MATN2: variants seen among roughly 807,000 people sequenced by gnomAD.
MATN2 encodes matrilin 2.
Under a neutral mutation model 103.2 loss-of-function variants are expected in MATN2, and 69 were observed. The observed-to-expected ratio is 0.67, with a 90% CI of 0.55 to 0.82. The LOEUF (loss-of-function observed/expected upper bound fraction) is 0.82. MATN2 is among the 40% of genes least tolerant of loss of function. The pLI is 0.00. For synonymous variants in MATN2, 429 were observed against 450.2 expected (o/e 0.95, Z 0.60); for missense variants, 1,023 against 1,211.5 (o/e 0.84, Z 2.31).
rs60996482 is a variant in MATN2 at position 97,931,661 on chromosome 8, C to T, written c.712+139C>T. 2.3e-3 allele frequency: 1,778 copies of T among 777,606 alleles called. 26 individuals carry two copies. The African/African-American group carries it at 0.028, about 12-fold the overall frequency. 48.2% of individuals were successfully genotyped at this position (777,606 alleles called of 1,614,324 possible). A position where few individuals can be genotyped will look rare whatever the true frequency, so the allele number is the denominator to read the frequency against. The stretch of plus-strand genomic sequence containing the variant: ...TCAACAAAGGCCAAGATAAACACAA[C>T]GTGCTCCAGGGGCTTACACTTTGGC... On this transcript the variant is annotated intron_variant, in intron 3 of 18. Transcript: ENST00000254898. This position sits in a 1 kb window ranked among gnomAD's most constrained non-coding sequence, Gnocchi z 4.1.
intron 2 of MATN2, among the ~76,000 whole-genome samples, chr8:97,900,379 C>A (rs1818938687): frequency 6.6e-6 from 1 of 152,188 alleles, no homozygotes; most frequent in Admixed American, 6.5e-5. Context: ...AAGTTCAGAG[C>A]CCGGAGGGGC....
At position 98,018,136 on chromosome 8, in the gene MATN2, A is replaced by G; in HGVS notation, c.1819+20A>G. 2 of 1,613,082 alleles carry G rather than the reference A, an allele frequency of 1.2e-6. No homozygotes were observed. Among genetic ancestry groups the G allele is most frequent in the Non-Finnish European group, 1.7e-6 (2 of 1,179,328 alleles). On this transcript the variant is annotated intron_variant, in intron 12 of 18. Transcript: ENST00000254898. The stretch of plus-strand genomic sequence containing the variant: ...GCCGAAGTAAGTAGCCTCGAGGTGG[A>G]GAAGAACTTTTCCCTCTGTGGACTC...
chr8:97,958,640 C>A (rs1006512906), intron 4 of MATN2, among the ~76,000 whole-genome samples: 1 of 152,190 alleles, frequency 6.6e-6, no homozygotes, highest in African/African-American at 2.4e-5. Context: ...AACTCAGAAA[C>A]CTACTGCTGT....
intron 7 of MATN2, 97 bp downstream of exon 7, chr8:97,994,699 A>G (rs1300618522): frequency 7.5e-7 from 1 of 1,336,938 alleles, no homozygotes; most frequent in Admixed American, 2.3e-5. Flanking sequence ...ATGTGCTTGT[A>G]TTCAGCATTG....
chr8:98,006,179 T>G (rs1812962096), intron 8 of MATN2, among the ~76,000 whole-genome samples: 1 of 152,266 alleles, frequency 6.6e-6, no homozygotes, highest in South Asian at 2.1e-4. Flanking sequence ...GATGCCAGGA[T>G]AGGCCACACA....
chr8:97,941,634 G>A, intron 3 of MATN2, 143 bp from the exon 4 acceptor site: 3 of 812,934 alleles, frequency 3.7e-6, no homozygotes, highest in Non-Finnish European at 5.8e-6. Context: ...TGGACTGTGA[G>A]CCCCCTTGAG....
At chr8:98,025,289 C>T (rs1813748917) in intron 13 of MATN2, 1 of 155,354 alleles carries the variant, frequency 6.4e-6, no homozygotes, top group Non-Finnish European at 1.4e-5. Context: ...CACACACACA[C>T]ACCACACACA....
intron 10 of MATN2, among the ~76,000 whole-genome samples, chr8:98,010,533 T>C (rs1043690869): frequency 6.6e-6 from 1 of 152,190 alleles, no homozygotes; most frequent in African/African-American, 2.4e-5. Context: ...GTTGCAGTGC[T>C]ATGTGAACTT....
At chr8:97,967,687 C>T (rs938808407) in intron 5 of MATN2, among the ~76,000 whole-genome samples, 5 of 152,374 alleles carry the variant, frequency 3.3e-5, no homozygotes, top group East Asian at 1.9e-4. Context: ...GGCTCCGCCC[C>T]TGTGGTTGCA....
At chr8:97,964,457 T>G (rs1811420008) in intron 5 of MATN2, among the ~76,000 whole-genome samples, 1 of 149,666 alleles carries the variant, frequency 6.7e-6, no homozygotes, top group Non-Finnish European at 1.5e-5. Context: ...TCTTTTTTTT[T>G]TTTTTCTTTT....
At chr8:97,890,974 G>T (rs1287358819) in intron 2 of MATN2, among the ~76,000 whole-genome samples, 2 of 152,304 alleles carry the variant, frequency 1.3e-5, no homozygotes, top group East Asian at 3.9e-4. Context: ...AATAACGCAT[G>T]TATATATCCA....
In MATN2 at chr8:97,900,675, C is replaced by G. The variant is rs926383628; in HGVS notation, c.142+12433C>G. Among the ~76,000 whole-genome samples, 3 of 152,196 alleles carry G rather than the reference C, an allele frequency of 2.0e-5. No homozygotes were observed. The South Asian group carries it at 6.2e-4, about 32-fold the overall frequency. On this transcript the variant is annotated intron_variant, in intron 2 of 18. Transcript: ENST00000254898. ...AACCAGCCGGGCGTGGTGACTCACG[C>G]CTGTAATCCCAGCACTTTGGGAGGC...
At chr8:97,916,194 C>T (rs899695351) in intron 2 of MATN2, among the ~76,000 whole-genome samples, 1 of 152,012 alleles carries the variant, frequency 6.6e-6, no homozygotes, top group East Asian at 1.9e-4. Context: ...CTCAGCGTCC[C>T]AAGTAGCTGG....
intron 7 of MATN2, among the ~76,000 whole-genome samples, chr8:97,995,146 A>T (rs1474096226): frequency 6.6e-6 from 1 of 152,192 alleles, no homozygotes; most frequent in Non-Finnish European, 1.5e-5. Context: ...TAGCACATCA[A>T]AGGGCATGAT....
intron 4 of MATN2, among the ~76,000 whole-genome samples, chr8:97,946,974 C>T (rs149605897): frequency 1.3e-5 from 2 of 152,188 alleles, no homozygotes; most frequent in East Asian, 3.9e-4. Flanking sequence ...AAAAATTTAG[C>T]AAATAGAATT....
intron 4 of MATN2, among the ~76,000 whole-genome samples, chr8:97,947,605 T>C (rs1810795512): frequency 6.6e-6 from 1 of 152,132 alleles, no homozygotes; most frequent in Non-Finnish European, 1.5e-5. Flanking sequence ...CTGAGATTAA[T>C]TTAAAAAAAA....
chr8:97,873,368 C>A (rs1469174309), intron 1 of MATN2, among the ~76,000 whole-genome samples: 1 of 148,502 alleles, frequency 6.7e-6, no homozygotes, highest in East Asian at 2.0e-4. Flanking sequence ...TTTTTTTTTC[C>A]CAGACAGTTT....
intron 10 of MATN2, among the ~76,000 whole-genome samples, chr8:98,013,615 G>C (rs1813253250): frequency 6.6e-6 from 1 of 152,168 alleles, no homozygotes; most frequent in Non-Finnish European, 1.5e-5. Context: ...CAGCATCCCA[G>C]AAACCCTGAA....
rs1427994169 is a variant in MATN2, at chr8:98,027,210, AAT to A, written c.1943-203_1943-202del. 4.8e-4 allele frequency among the ~76,000 whole-genome samples: 73 copies of A among 152,190 alleles called. 2 individuals are homozygous for A. Among genetic ancestry groups the A allele is most frequent in the Admixed American group, 4.8e-3 (73 of 15,280 alleles). Reference sequence around the variant, plus strand: ...GCTTGTGAAAAATACTATTTTTATCAATATGACAAGCCAACCATAAAAGTATA... The same window carrying A: ...GCTTGTGAAAAATACTATTTTTATCAATGACAAGCCAACCATAAAAGTATA... On this transcript the variant is annotated intron_variant, in intron 13 of 18. Transcript: ENST00000254898.
Sources: gnomAD v4.1 joint callset for allele counts (sites outside exome capture counted in the v4.1 genomes callset) on GRCh38, gnomAD v4.1.1 for gene constraint, Gnocchi (gnomAD v3.1) non-coding constraint, MANE v1.5 for transcripts, NCBI Gene and HGNC (gene_info 2026-07-23, HGNC 2026-07-21) for gene names.